The following RUNDC3B variants were observed in gnomAD, a reference collection of about 807,000 sequenced individuals.
RUNDC3B encodes RUN domain containing 3B, also known as RUN domain-containing protein 3B.
A neutral mutation model predicts 58.4 loss-of-function variants in RUNDC3B; 33 were observed. The ratio of observed to expected loss-of-function variants is 0.56; its 90% CI spans 0.43 to 0.75. RUNDC3B has a LOEUF of 0.75. Ranked by LOEUF, RUNDC3B falls within the 30% of genes least tolerant of loss-of-function variation. The probability of loss-of-function intolerance (pLI) is 0.00; values close to 1 mark genes in which losing one functional copy is unlikely to be tolerated. For missense variants in RUNDC3B, 501 were observed against 535.7 expected (o/e 0.94, Z 0.64); for synonymous variants, 193 against 195.2 (o/e 0.99, Z 0.10).
rs541897122 is a variant in RUNDC3B at position 87,777,864 on chromosome 7, A to G, written c.865A>G (p.Ile289Val). ...ATCTGAATCTGTCTCCCAGAATAAA[A>G]TACTACTTCAAAGGATTGAAGATTC... Reference protein sequence around the residue: ...QLSESVSQNKILLQRIEDSDL... With the variant: ...QLSESVSQNKVLLQRIEDSDL... Residue 289 changes from isoleucine to valine, a missense_variant, in exon 8 of 11, where the codon ATA (isoleucine) becomes GTA (valine). Transcript: ENST00000394654. 9.3e-6 allele frequency: 15 copies of G among 1,613,564 alleles called. No homozygotes were observed. The highest frequency in any genetic ancestry group is 1.3e-5 in the Non-Finnish European group (15 of 1,179,590).
intron 8 of RUNDC3B, among the ~76,000 whole-genome samples, chr7:87,791,923 A>C (rs1835542790): frequency 6.6e-6 from 1 of 152,076 alleles, no homozygotes; most frequent in South Asian, 2.1e-4. Flanking sequence ...ACATAGAGTC[A>C]CTTAATGGAT....
At chr7:87,726,870 A>T (rs1397187076) in intron 4 of RUNDC3B, among the ~76,000 whole-genome samples, 1 of 152,266 alleles carries the variant, frequency 6.6e-6, no homozygotes, top group East Asian at 1.9e-4. Context: ...GAGTTCACTC[A>T]TGATTTGGCT....
rs891872515 is a variant in RUNDC3B at position 87,775,130 on chromosome 7, T to TG, written c.799-2665dup. 5.9e-5 allele frequency among the ~76,000 whole-genome samples: 9 copies of TG among 152,310 alleles called. 1 individual carries two copies. In the South Asian group the frequency reaches 6.2e-4, roughly 11 times the overall value. On this transcript the variant is annotated intron_variant, in intron 7 of 10. Coordinates refer to ENST00000394654, the MANE Select transcript of RUNDC3B (RefSeq NM_001134405.2). ...GGTCTTTTAGGAGGTAGTCCAGCAGTGGGCATTGTTATCATGGGAGATGAC... is the reference window on the plus strand; with the variant it reads ...GGTCTTTTAGGAGGTAGTCCAGCAGTGGGGCATTGTTATCATGGGAGATGAC...
At chr7:87,804,896 A>G (rs1584249741) in intron 8 of RUNDC3B, among the ~76,000 whole-genome samples, 1 of 152,302 alleles carries the variant, frequency 6.6e-6, no homozygotes. Context: ...TATTCTTCAT[A>G]TTAACATTAA....
At chr7:87,701,881 C>T (rs929782712) in intron 3 of RUNDC3B, among the ~76,000 whole-genome samples, 6 of 152,054 alleles carry the variant, frequency 3.9e-5, no homozygotes, top group African/African-American at 1.2e-4. Flanking sequence ...CGGTGGCTCA[C>T]GCCTGTAATC....
rs536363034 is a variant in RUNDC3B at position 87,657,491 on chromosome 7, C to T, written c.238+6554C>T. 2.6e-5 allele frequency among the ~76,000 whole-genome samples: 4 copies of T among 152,306 alleles called. No individual in the cohort carries two copies. In the East Asian group the frequency reaches 5.8e-4, roughly 22 times the overall value. ...CGCCCTCCTGAGGCTATAACAGTGT[C>T]CCAGTACCACCATTAGGGTTGTATC... is the stretch of plus-strand genomic sequence containing the variant. On this transcript the variant is annotated intron_variant, in intron 2 of 10. Coordinates refer to ENST00000394654, the MANE Select transcript of RUNDC3B (RefSeq NM_001134405.2).
In RUNDC3B at chr7:87,807,446, C is replaced by G. The variant is rs1276877378; in HGVS notation, c.1030C>G (p.Pro344Ala). 1.2e-6 allele frequency: 2 copies of G among 1,613,324 alleles called. No homozygotes were observed. Among genetic ancestry groups the G allele is most frequent in the East Asian group, 2.2e-5 (1 of 44,870 alleles). The change falls in exon 9 of 11, where the codon CCA (proline) becomes GCA (alanine). Residue 344 changes from proline (P) to alanine (A), a missense_variant. Transcript: ENST00000394654. Reference sequence around the variant, plus strand: ...CCATCTCACCAACCAGTGGCCTTCTCCAGGAGCTCTGGATGTCAATGCTGT... The same window carrying G: ...CCATCTCACCAACCAGTGGCCTTCTGCAGGAGCTCTGGATGTCAATGCTGT... ...TAHLTNQWPS[P>A]GALDVNAVAL...
intron 9 of RUNDC3B, among the ~76,000 whole-genome samples, chr7:87,810,787 A>G (rs1836674013): frequency 6.6e-6 from 1 of 152,174 alleles, no homozygotes. Flanking sequence ...ATCTTTTCCT[A>G]TATTTCAAAC....
intron 2 of RUNDC3B, among the ~76,000 whole-genome samples, chr7:87,686,648 T>C (rs530606657): frequency 6.6e-6 from 1 of 151,602 alleles, no homozygotes; most frequent in Non-Finnish European, 1.5e-5. Context: ...CTGATTAAAA[T>C]GAAAAAGTTA....
intron 3 of RUNDC3B, among the ~76,000 whole-genome samples, chr7:87,706,035 C>A (rs935974152): frequency 6.6e-6 from 1 of 152,094 alleles, no homozygotes; most frequent in Admixed American, 6.6e-5. Flanking sequence ...TTTTTAATAG[C>A]AGTTCTTGTT....
chr7:87,668,320 G>C (rs1169899316), intron 2 of RUNDC3B, among the ~76,000 whole-genome samples: 1 of 151,938 alleles, frequency 6.6e-6, no homozygotes, highest in Non-Finnish European at 1.5e-5. Context: ...TTTCTGTGGG[G>C]TCAGTAGTAA....
In RUNDC3B at chr7:87,628,622, T is replaced by G. The variant is rs928109146; in HGVS notation, c.-202T>G. On this transcript the variant is annotated 5_prime_UTR_variant, in exon 1 of 11. Coordinates refer to ENST00000394654, the MANE Select transcript of RUNDC3B (RefSeq NM_001134405.2). The stretch of plus-strand genomic sequence containing the variant: ...GTGTGTGTGTGTGTGTGTGTGTGTG[T>G]GTGGAGCTCGGGTGCCAAGGGCGAG... The G allele has an allele frequency of 8.8e-4, 278 of 316,726 alleles. 4 individuals are homozygous for G. Among genetic ancestry groups the G allele is most frequent in the Admixed American group, 3.1e-3 (57 of 18,396 alleles). 19.6% of individuals were successfully genotyped at this position (316,726 alleles called of 1,614,324 possible). A position where few individuals can be genotyped will look rare whatever the true frequency, so the allele number is the denominator to read the frequency against.
At chr7:87,789,725 C>G (rs1835422117) in intron 8 of RUNDC3B, among the ~76,000 whole-genome samples, 1 of 152,172 alleles carries the variant, frequency 6.6e-6, no homozygotes, top group Non-Finnish European at 1.5e-5. Context: ...TTCTATTGCA[C>G]TTCCTTGGGT....
At chr7:87,819,251 T>A (rs1019719761) in intron 10 of RUNDC3B, among the ~76,000 whole-genome samples, 1 of 152,030 alleles carries the variant, frequency 6.6e-6, no homozygotes, top group African/African-American at 2.4e-5. Flanking sequence ...GAGTAAAAGG[T>A]ACTTAAGCAC....
chr7:87,695,219 G>A (rs542867802), intron 2 of RUNDC3B, among the ~76,000 whole-genome samples: 1 of 151,922 alleles, frequency 6.6e-6, no homozygotes, highest in Non-Finnish European at 1.5e-5. Context: ...GTTAGAAAAT[G>A]GATCAGTGTC....
intron 4 of RUNDC3B, among the ~76,000 whole-genome samples, chr7:87,716,020 G>T (rs1333722591): frequency 1.3e-5 from 2 of 151,934 alleles, no homozygotes; most frequent in Non-Finnish European, 1.5e-5. Context: ...GGAATACAAA[G>T]AATACTAAGA....
intron 1 of RUNDC3B, among the ~76,000 whole-genome samples, chr7:87,637,297 G>A (rs1400814563): frequency 6.6e-6 from 1 of 152,132 alleles, no homozygotes; most frequent in African/African-American, 2.4e-5. Flanking sequence ...TCTCTCCTGA[G>A]CTAATATCGT....
chr7:87,769,537 A>G (rs1272608168), intron 6 of RUNDC3B, among the ~76,000 whole-genome samples: 2 of 152,064 alleles, frequency 1.3e-5, no homozygotes, highest in Non-Finnish European at 2.9e-5. Flanking sequence ...GGTAATACAG[A>G]CTATTTTTAT....
At chr7:87,674,605 C>G (rs1028953479) in intron 2 of RUNDC3B, among the ~76,000 whole-genome samples, 1 of 152,078 alleles carries the variant, frequency 6.6e-6, no homozygotes, top group Admixed American at 6.6e-5. Flanking sequence ...TGAGGCAAGT[C>G]TGCCTTGGGG....
Sources: allele counts gnomAD v4.1 joint callset (sites outside exome capture counted in the v4.1 genomes callset), GRCh38; gene constraint gnomAD v4.1.1; transcripts MANE v1.5; gene names NCBI Gene and HGNC (gene_info 2026-07-23, HGNC 2026-07-21).